ZNF710: variants seen among roughly 807,000 people sequenced by gnomAD.
The protein encoded by ZNF710 is zinc finger protein 710.
A neutral mutation model predicts 50.6 loss-of-function variants in ZNF710; 13 were observed. The ratio of observed to expected loss-of-function variants is 0.26; its 90% CI spans 0.17 to 0.41. The LOEUF (loss-of-function observed/expected upper bound fraction) is 0.41. Ranked by LOEUF, ZNF710 falls within the 10% of genes least tolerant of loss-of-function variation. The probability of loss-of-function intolerance (pLI) is 1.00; values close to 1 mark genes in which losing one functional copy is unlikely to be tolerated. For synonymous variants in ZNF710, 383 were observed against 397.0 expected (o/e 0.96, Z 0.42); for missense variants, 721 against 936.6 (o/e 0.77, Z 3.01).
At chr15:90,014,558 G>A (rs889818522) in intron 1 of ZNF710, among the ~76,000 whole-genome samples, 1 of 150,292 alleles carries the variant, frequency 6.7e-6, no homozygotes, top group East Asian at 1.9e-4. Flanking sequence ...TTATGACCTG[G>A]TTTAACTAGA....
At chr15:90,061,231 C>T (rs139858965) in intron 1 of ZNF710, among the ~76,000 whole-genome samples, 4 of 152,272 alleles carry the variant, frequency 2.6e-5, no homozygotes, top group East Asian at 3.9e-4. Flanking sequence ...AGTGCAGTGG[C>T]GTGATCTCAG....
chr15:90,006,235 T>G (rs1898138245), intron 1 of ZNF710, among the ~76,000 whole-genome samples: 1 of 152,182 alleles, frequency 6.6e-6, no homozygotes, highest in Admixed American at 6.5e-5. Context: ...GATAAAGATG[T>G]AGGAGATCTT....
chr15:90,041,298 T>C (rs989112694), intron 1 of ZNF710, among the ~76,000 whole-genome samples: 1 of 152,122 alleles, frequency 6.6e-6, no homozygotes, highest in Non-Finnish European at 1.5e-5. Context: ...TCAAGTGATC[T>C]TCCCACCTCA....
chr15:90,063,037 TAGA>T (rs1185748114), intron 1 of ZNF710, among the ~76,000 whole-genome samples: 2 of 151,970 alleles, frequency 1.3e-5, no homozygotes, highest in East Asian at 3.9e-4. Context: ...AGACTTCTAG[TAGA>T]AGGAGAGACC....
intron 2 of ZNF710, among the ~76,000 whole-genome samples, chr15:90,070,328 T>C (rs750574032): frequency 5.3e-5 from 8 of 150,376 alleles, no homozygotes; most frequent in Non-Finnish European, 8.9e-5. Context: ...GCCACTGCAC[T>C]CTAGCCTGGG....
chr15:89,999,367 A>G (rs1355024644), upstream of ZNF710, among the ~76,000 whole-genome samples: 1 of 152,200 alleles, frequency 6.6e-6, no homozygotes, highest in East Asian at 1.9e-4. Flanking sequence ...CGGGGTAGGT[A>G]CTCAGTAGGC....
intron 1 of ZNF710, among the ~76,000 whole-genome samples, chr15:90,042,683 G>C (rs565197637): frequency 3.3e-5 from 5 of 152,316 alleles, no homozygotes; most frequent in Non-Finnish European, 5.9e-5. Flanking sequence ...ACAAAGAAGG[G>C]GGACAGGGAA....
intron 4 of ZNF710, chr15:90,075,030 G>C (rs546656936): frequency 4.3e-5 from 7 of 162,940 alleles, no homozygotes; most frequent in African/African-American, 1.4e-4. Flanking sequence ...AGTTTCAGAG[G>C]CTGTCAGAAA....
At chr15:90,071,706 G>T (rs1421697684) in intron 2 of ZNF710, among the ~76,000 whole-genome samples, 1 of 146,980 alleles carries the variant, frequency 6.8e-6, no homozygotes, top group African/African-American at 2.5e-5. Context: ...TGAGACGGAG[G>T]CTTACTCTGT....
At chr15:90,014,285 T>TG (rs2151467173) in intron 1 of ZNF710, among the ~76,000 whole-genome samples, 1 of 151,860 alleles carries the variant, frequency 6.6e-6, no homozygotes, top group African/African-American at 2.4e-5. Context: ...AATGAAGGGA[T>TG]GGGAGGGCTG....
chr15:90,040,042 C>CATA lies in ZNF710; in HGVS notation c.-28-27065_-28-27063dup, dbSNP rs1899251408. 6.6e-6 allele frequency among the ~76,000 whole-genome samples: 1 copy of CATA among 152,140 alleles called. No homozygotes were observed. The highest frequency in any genetic ancestry group is 6.5e-5 in the Admixed American group (1 of 15,272). Reference sequence around the variant, plus strand: ...CTTGCTATCACATATTAGGAAAGACCATAATGTACAGCAGAGGTGCCTGGT... The same window carrying CATA: ...CTTGCTATCACATATTAGGAAAGACCATAATAATGTACAGCAGAGGTGCCTGGT... On this transcript the variant is annotated intron_variant, in intron 1 of 4. Transcript: ENST00000268154. The surrounding 1 kb of genome is among the most constrained non-coding windows in gnomAD (Gnocchi z 4.6).
intron 1 of ZNF710, among the ~76,000 whole-genome samples, chr15:90,037,094 C>T (rs1254062421): frequency 2.0e-5 from 3 of 151,882 alleles, no homozygotes; most frequent in Non-Finnish European, 4.4e-5. Context: ...CCTGGCTCAG[C>T]TTGGAGGACC....
chr15:90,036,221 A>G (rs1374370982), intron 1 of ZNF710, among the ~76,000 whole-genome samples: 1 of 107,668 alleles, frequency 9.3e-6, no homozygotes, highest in African/African-American at 3.6e-5. Context: ...CTTCCCCTCC[A>G]CTCTTGCCGC....
chr15:90,070,445 GA>G (rs1900339611), intron 2 of ZNF710, among the ~76,000 whole-genome samples: 1 of 151,896 alleles, frequency 6.6e-6, no homozygotes. Context: ...GCTGAGGCAG[GA>G]GAATCACTTG....
rs1467553660 is a variant in ZNF710, at chr15:90,068,157, G to A, written c.1020G>A (p.Thr340=). The A allele has an allele frequency of 7.4e-6, 12 of 1,614,082 alleles. No homozygotes were observed. The highest frequency in any genetic ancestry group is 3.3e-5 in the Admixed American group (2 of 60,014). Residue 340 remains threonine, a synonymous_variant, in exon 2 of 5, where the codon ACG becomes ACA. Coordinates refer to ENST00000268154, the MANE Select transcript of ZNF710 (RefSeq NM_198526.4). The surrounding 1 kb of genome is among the most constrained non-coding windows in gnomAD (Gnocchi z 5.0). The part of the protein sequence containing the change: ...KLFKQPSHLQ[T]HLLTHQGTRP... ...TCAAGCAGCCCAGCCACCTGCAGAC[G>A]CACCTGCTGACGCACCAGGGCACCC...
intron 1 of ZNF710, among the ~76,000 whole-genome samples, chr15:90,029,273 A>G (rs1898863448): frequency 6.6e-6 from 1 of 152,156 alleles, no homozygotes; most frequent in Non-Finnish European, 1.5e-5. Context: ...TCTCTGGGAG[A>G]GCACCAGCCA....
At chr15:90,078,211 CAAAAAAA>C (rs35832666) in intron 4 of ZNF710, among the ~76,000 whole-genome samples, 1 of 116,268 alleles carries the variant, frequency 8.6e-6, no homozygotes, top group African/African-American at 3.3e-5. Flanking sequence ...AACTCGGTCT[CAAAAAAA>C]AAAAAAAAAA....
chr15:90,022,072 ACT>A (rs1008404713), intron 1 of ZNF710, among the ~76,000 whole-genome samples: 4 of 151,346 alleles, frequency 2.6e-5, no homozygotes, highest in East Asian at 1.9e-4. Context: ...ACAGAGCGAG[ACT>A]CTGTCTCAAA....
At position 90,067,581 on chromosome 15, in the gene ZNF710, C is replaced by T. The variant is rs369010166; in HGVS notation, c.444C>T (p.Asp148=). Residue 148 remains aspartate (D), a synonymous_variant, in exon 2 of 5, where the codon GAC becomes GAT. Transcript: ENST00000268154. The surrounding 1 kb of genome is among the most constrained non-coding windows in gnomAD (Gnocchi z 8.1). ...CCGAGGCGGCCAGTGGCGGCTGCGA[C>T]GCCCTGGTGCAGAGCAGCGCCGTCA... is the stretch of plus-strand genomic sequence containing the variant. The part of the protein sequence containing the change: ...APAEAASGGC[D]ALVQSSAVKM... 1.3e-4 allele frequency: 202 copies of T among 1,609,646 alleles called. No individual in the cohort carries two copies. The highest frequency in any genetic ancestry group is 1.5e-4 in the Non-Finnish European group (179 of 1,178,198).
Sources: gnomAD v4.1 joint callset for allele counts (sites outside exome capture counted in the v4.1 genomes callset) on GRCh38, gnomAD v4.1.1 for gene constraint, Gnocchi (gnomAD v3.1) non-coding constraint, MANE v1.5 for transcripts, NCBI Gene and HGNC (gene_info 2026-07-23, HGNC 2026-07-21) for gene names.